Variants in CDH12 observed in about 807,000 individuals in gnomAD.
CDH12 encodes the protein cadherin 12.
Under a neutral mutation model 74.1 loss-of-function variants are expected in CDH12, and 41 were observed. The ratio of observed to expected loss-of-function variants is 0.55; its 90% CI spans 0.43 to 0.72. The LOEUF (loss-of-function observed/expected upper bound fraction) is 0.72. Among genes scored for constraint, CDH12 ranks in the 30% least tolerant of loss-of-function variants. CDH12 has a pLI of 0.00. For missense variants in CDH12, 945 were observed against 977.2 expected, an observed-to-expected ratio of 0.97 and a Z score of 0.44; for synonymous variants, 399 against 355.0, an observed-to-expected ratio of 1.12 and a Z score of -1.39.
At chr5:22,420,871 G>A (rs1364205815) in intron 2 of CDH12, among the ~76,000 whole-genome samples, 2 of 152,104 alleles carry the variant, frequency 1.3e-5, no homozygotes, top group African/African-American at 4.8e-5. Context: ...ATTTCCTTGA[G>A]CAGTGGTTTG....
At chr5:22,067,406 C>T (rs1371111621) in intron 5 of CDH12, among the ~76,000 whole-genome samples, 2 of 152,138 alleles carry the variant, frequency 1.3e-5, no homozygotes, top group African/African-American at 4.8e-5. Context: ...AGACACAACA[C>T]TTAGTAGATC....
At chr5:22,458,591 C>T (rs915487503) in intron 2 of CDH12, among the ~76,000 whole-genome samples, 4 of 152,136 alleles carry the variant, frequency 2.6e-5, no homozygotes, top group Admixed American at 2.6e-4. Context: ...CATTATGACA[C>T]AATTTCTATT....
intron 1 of CDH12, among the ~76,000 whole-genome samples, chr5:22,632,036 G>A (rs1738612171): frequency 6.6e-6 from 1 of 152,058 alleles, no homozygotes; most frequent in Non-Finnish European, 1.5e-5. Context: ...ACAAAGAAGG[G>A]AACACCAGAC....
chr5:22,821,353 C>T (rs181370646), intron 1 of CDH12, among the ~76,000 whole-genome samples: 1 of 152,262 alleles, frequency 6.6e-6, no homozygotes, highest in African/African-American at 2.4e-5. Flanking sequence ...CTCACCACTC[C>T]TATTCAACAT....
At chr5:21,938,080 G>GAA (rs1170195914) in intron 6 of CDH12, among the ~76,000 whole-genome samples, 1 of 151,984 alleles carries the variant, frequency 6.6e-6, no homozygotes, top group African/African-American at 2.4e-5. Context: ...TTTCATGGAG[G>GAA]AAAAAAAGGA....
chr5:22,182,826 T>A (rs1749718358), intron 4 of CDH12, among the ~76,000 whole-genome samples: 3 of 151,860 alleles, frequency 2.0e-5, no homozygotes, highest in Admixed American at 2.0e-4. Context: ...ACACTATAAG[T>A]TCTAATGAGT....
intron 4 of CDH12, among the ~76,000 whole-genome samples, chr5:22,149,976 A>G (rs935365640): frequency 1.3e-5 from 2 of 152,188 alleles, no homozygotes; most frequent in African/African-American, 4.8e-5. Context: ...CCTGGGTGAC[A>G]GAGCAAGTTT....
rs376023754 is a variant in CDH12, at chr5:22,236,775, A to G, written c.-332-24132T>C. ...ATAAAACAAAACAAAAAGAACTGAG[A>G]CACAAACATTAACCTAAACCTTCAC... On this transcript the variant is annotated intron_variant, in intron 3 of 14. Transcript: ENST00000382254. 1.1e-4 allele frequency among the ~76,000 whole-genome samples: 16 copies of G among 152,112 alleles called. 1 individual carries two copies. In the East Asian group the frequency reaches 2.1e-3, roughly 20 times the overall value.
intron 3 of CDH12, among the ~76,000 whole-genome samples, chr5:22,277,258 G>A (rs1736674598): frequency 6.6e-6 from 1 of 152,166 alleles, no homozygotes; most frequent in Non-Finnish European, 1.5e-5. Context: ...TCTCTGCCAC[G>A]AATGCTCTCA....
At chr5:22,022,443 T>A (rs1738051627) in intron 5 of CDH12, among the ~76,000 whole-genome samples, 1 of 152,170 alleles carries the variant, frequency 6.6e-6, no homozygotes. Context: ...TCCCCAGCCA[T>A]GCCTTCGTAT....
intron 2 of CDH12, among the ~76,000 whole-genome samples, chr5:22,492,206 T>C (rs542227714): frequency 6.6e-6 from 1 of 152,024 alleles, no homozygotes; most frequent in African/African-American, 2.4e-5. Flanking sequence ...ATTCAGTATA[T>C]AGGATGTGCA....
intron 1 of CDH12, among the ~76,000 whole-genome samples, chr5:22,549,359 T>C (rs1738466509): frequency 6.6e-6 from 1 of 151,926 alleles, no homozygotes; most frequent in Admixed American, 6.6e-5. Flanking sequence ...AAATTATCTT[T>C]TCCTTTTTTT....
intron 5 of CDH12, among the ~76,000 whole-genome samples, chr5:22,044,947 G>A (rs907483572): frequency 6.6e-6 from 1 of 152,088 alleles, no homozygotes; most frequent in African/African-American, 2.4e-5. Flanking sequence ...AGACAAATGG[G>A]ATTAAAAGCT....
intron 3 of CDH12, among the ~76,000 whole-genome samples, chr5:22,401,202 T>G (rs1742715975): frequency 6.6e-6 from 1 of 152,178 alleles, no homozygotes; most frequent in Non-Finnish European, 1.5e-5. Flanking sequence ...GCACAAAACA[T>G]GTACGAAATA....
intron 6 of CDH12, among the ~76,000 whole-genome samples, chr5:21,910,113 A>G (rs1017519166): frequency 6.6e-6 from 1 of 152,186 alleles, no homozygotes; most frequent in African/African-American, 2.4e-5. Flanking sequence ...TTTAGCACTC[A>G]GGCCACCACT....
chr5:22,745,103 C>T (rs908479752), intron 1 of CDH12, among the ~76,000 whole-genome samples: 23 of 151,366 alleles, frequency 1.5e-4, no homozygotes, highest in Admixed American at 3.3e-4. Context: ...ATAGTTATAC[C>T]ACAATGAAAC....
intron 2 of CDH12, among the ~76,000 whole-genome samples, chr5:22,416,345 G>A (rs1245714998): frequency 1.3e-5 from 2 of 151,950 alleles, no homozygotes; most frequent in African/African-American, 4.8e-5. Flanking sequence ...AAAGTGCTGG[G>A]ATTACAAGCG....
At chr5:22,489,722 G>T (rs1321864365) in intron 2 of CDH12, among the ~76,000 whole-genome samples, 4 of 146,578 alleles carry the variant, frequency 2.7e-5, no homozygotes, top group Non-Finnish European at 6.0e-5. Flanking sequence ...TTGAGGCAGG[G>T]TCTCCCTCTG....
chr5:22,720,900 T>TTA (rs1209786059), intron 1 of CDH12, among the ~76,000 whole-genome samples: 1 of 152,146 alleles, frequency 6.6e-6, no homozygotes, highest in Non-Finnish European at 1.5e-5. Context: ...AAATTGGAAT[T>TTA]TATGTTTAAA....
Sources: gnomAD v4.1 joint callset for allele counts (sites outside exome capture counted in the v4.1 genomes callset) on GRCh38, gnomAD v4.1.1 for gene constraint, MANE v1.5 for transcripts, NCBI Gene and HGNC (gene_info 2026-07-23, HGNC 2026-07-21) for gene names.